SCG5: variants seen among roughly 807,000 people sequenced by gnomAD.
SCG5 encodes the protein neuroendocrine protein 7B2.
In SCG5, 18 loss-of-function variants were observed where a neutral mutation model predicts 25.7. The ratio of observed to expected loss-of-function variants is 0.70; its 90% CI spans 0.48 to 1.04. The LOEUF is 1.04. SCG5 is among the 50% of genes least tolerant of loss of function. SCG5 has a pLI of 0.00. For missense variants in SCG5, 206 were observed against 259.8 expected (o/e 0.79, Z 1.42); for synonymous variants, 101 against 91.7 (o/e 1.10, Z -0.58).
At chr15:32,646,497 C>G (rs1381409919) in intron 2 of SCG5, among the ~76,000 whole-genome samples, 1 of 152,196 alleles carries the variant, frequency 6.6e-6, no homozygotes, top group Non-Finnish European at 1.5e-5. Context: ...AGGAGAATAT[C>G]TCTTTAGTCT....
intron 2 of SCG5, among the ~76,000 whole-genome samples, chr15:32,660,299 G>C (rs1302603639): frequency 2.0e-5 from 3 of 152,172 alleles, no homozygotes; most frequent in Non-Finnish European, 4.4e-5. Context: ...ACTCTGACGA[G>C]AGAGTTATCA....
At chr15:32,679,987 C>G in intron 3 of SCG5, 72 bp downstream of exon 3, 1 of 1,334,482 alleles carries the variant, frequency 7.5e-7, no homozygotes, top group Non-Finnish European at 1.0e-6. Flanking sequence ...CTAACATCAG[C>G]TACAAATATT....
At chr15:32,679,374 T>C (rs561165667) in intron 2 of SCG5, among the ~76,000 whole-genome samples, 1 of 152,254 alleles carries the variant, frequency 6.6e-6, no homozygotes, top group South Asian at 2.1e-4. Flanking sequence ...TTTGTATTTT[T>C]GTTTTTTAGT....
Position 32,695,999 on chromosome 15 carries a change from A to G in SCG5, c.544-515A>G, listed in dbSNP as rs780415968. Among the ~76,000 whole-genome samples, 15 of 152,330 alleles carry G rather than the reference A, an allele frequency of 9.8e-5. No homozygotes were observed. The East Asian group carries it at 1.2e-3, about 12-fold the overall frequency. On this transcript the variant is annotated intron_variant, in intron 5 of 5. Coordinates refer to ENST00000300175, the MANE Select transcript of SCG5 (RefSeq NM_001144757.3). Reference sequence around the variant, plus strand: ...AATTAGAGACATCTATCAGTCAGAAAATGTTTCATAGGCCACTGAGGTATT... The same window carrying G: ...AATTAGAGACATCTATCAGTCAGAAGATGTTTCATAGGCCACTGAGGTATT...
chr15:32,692,465 G>A (rs569350110), intron 5 of SCG5, among the ~76,000 whole-genome samples: 6 of 152,202 alleles, frequency 3.9e-5, no homozygotes, highest in African/African-American at 1.2e-4. Context: ...GCTTTCCAGG[G>A]TATTTTATAG....
chr15:32,669,662 T>C (rs1192713102), intron 2 of SCG5, among the ~76,000 whole-genome samples: 1 of 152,142 alleles, frequency 6.6e-6, no homozygotes, highest in African/African-American at 2.4e-5. Flanking sequence ...TATTGCAAAT[T>C]ACCTATTTGA....
chr15:32,696,303 C>G (rs1033626954), intron 5 of SCG5, among the ~76,000 whole-genome samples: 16 of 151,978 alleles, frequency 1.1e-4, no homozygotes, highest in South Asian at 4.2e-4. Context: ...ATTTTTAGTA[C>G]AGACGGGGTT....
chr15:32,687,214 C>A lies in SCG5; in HGVS notation c.489+2545C>A, dbSNP rs182005985. ...TTCACAGATTTCTCTCATCAAATTC[C>A]ACTCACTTCCAGTGCCCCAGTATGA... On this transcript the variant is annotated intron_variant, in intron 4 of 5. Coordinates refer to ENST00000300175, the MANE Select transcript of SCG5 (RefSeq NM_001144757.3). 2.6e-5 allele frequency among the ~76,000 whole-genome samples: 4 copies of A among 152,306 alleles called. No homozygotes were observed. The East Asian group carries it at 7.7e-4, about 29-fold the overall frequency.
At position 32,679,916 on chromosome 15, in the gene SCG5, G is replaced by T; in HGVS notation, c.376+1G>T. 6.2e-7 allele frequency: 1 copy of T among 1,608,854 alleles called. No individual in the cohort carries two copies. The highest frequency in any genetic ancestry group is 8.5e-7 in the Non-Finnish European group (1 of 1,177,428). The stretch of plus-strand genomic sequence containing the variant: ...AATCCCTGTCCTGTTGGAAAAACAG[G>T]TAACAGATATGCCTTTGGGTTCCCA... On this transcript the variant is annotated splice_donor_variant, in intron 3 of 5. Coordinates refer to ENST00000300175, the MANE Select transcript of SCG5 (RefSeq NM_001144757.3). LOFTEE classifies it high-confidence loss of function.
chr15:32,676,577 A>G (rs1182327871), intron 2 of SCG5, among the ~76,000 whole-genome samples: 1 of 152,228 alleles, frequency 6.6e-6, no homozygotes, highest in Non-Finnish European at 1.5e-5. Flanking sequence ...GTGTACTGAT[A>G]TGTCTAACCT....
At chr15:32,649,008 G>C (rs1341367462) in intron 2 of SCG5, among the ~76,000 whole-genome samples, 2 of 152,142 alleles carry the variant, frequency 1.3e-5, no homozygotes, top group Non-Finnish European at 2.9e-5. Context: ...CTCCCGCCTT[G>C]GCCTCCCAAA....
intron 4 of SCG5, among the ~76,000 whole-genome samples, chr15:32,686,383 A>G (rs2054709135): frequency 6.6e-6 from 1 of 152,218 alleles, no homozygotes; most frequent in Admixed American, 6.5e-5. Flanking sequence ...CATTTCAGTT[A>G]TGATGACTGT....
At chr15:32,645,202 A>G (rs1418565198) in intron 2 of SCG5, among the ~76,000 whole-genome samples, 1 of 152,192 alleles carries the variant, frequency 6.6e-6, no homozygotes, top group Non-Finnish European at 1.5e-5. Context: ...ACAAACAATA[A>G]ATATCTACCT....
chr15:32,673,527 C>CGTGTGT (rs55968956), intron 2 of SCG5, among the ~76,000 whole-genome samples: 7,500 of 134,824 alleles, frequency 0.056, 263 homozygotes, highest in East Asian at 0.12. Context: ...ATAAGATCCC[C>CGTGTGT]GTGTGTGTGT....
At chr15:32,672,791 C>A (rs537173061) in intron 2 of SCG5, among the ~76,000 whole-genome samples, 1 of 151,962 alleles carries the variant, frequency 6.6e-6, no homozygotes, top group Non-Finnish European at 1.5e-5. Context: ...AGGCAAGAAA[C>A]CTTTCCCCAG....
rs555775774 is a variant in SCG5 at position 32,643,320 on chromosome 15, T to C, written c.-7-266T>C. 3.3e-5 allele frequency among the ~76,000 whole-genome samples: 5 copies of C among 152,222 alleles called. No individual in the cohort carries two copies. The South Asian group carries it at 1.0e-3, about 32-fold the overall frequency. On this transcript the variant is annotated intron_variant, in intron 1 of 5. Coordinates refer to ENST00000300175, the MANE Select transcript of SCG5 (RefSeq NM_001144757.3). ...CTACAAGGAGGATAAAAATTATGAGTGAGAACCGCCATTCCAGCCTAGCTT... is the reference window on the plus strand; with the variant it reads ...CTACAAGGAGGATAAAAATTATGAGCGAGAACCGCCATTCCAGCCTAGCTT...
chr15:32,684,734 G>A (rs1428407620), intron 4 of SCG5, 65 bp downstream of exon 4: 1 of 1,003,028 alleles, frequency 1.0e-6, no homozygotes, highest in African/African-American at 1.6e-5. Context: ...TGATGGCAGG[G>A]ATGAGCAATA....
intron 2 of SCG5, among the ~76,000 whole-genome samples, chr15:32,652,678 A>G (rs931071279): frequency 6.6e-6 from 1 of 152,208 alleles, no homozygotes; most frequent in African/African-American, 2.4e-5. Flanking sequence ...CACTGTACTA[A>G]TTCTAGCCAC....
At chr15:32,670,000 T>A (rs183536285) in intron 2 of SCG5, among the ~76,000 whole-genome samples, 1 of 152,312 alleles carries the variant, frequency 6.6e-6, no homozygotes, top group African/African-American at 2.4e-5. Context: ...GGACCACATG[T>A]AGATGTGAAA....
Sources: allele counts gnomAD v4.1 joint callset (sites outside exome capture counted in the v4.1 genomes callset), GRCh38; gene constraint gnomAD v4.1.1; transcripts MANE v1.5; gene names NCBI Gene and HGNC (gene_info 2026-07-23, HGNC 2026-07-21).